FSTL1: variants seen among roughly 807,000 people sequenced by gnomAD.
The protein encoded by FSTL1 is follistatin like 1, also known as follistatin-related protein 1.
In FSTL1, 24 loss-of-function variants were observed where a neutral mutation model predicts 45.9. The ratio of observed to expected loss-of-function variants is 0.52; its 90% confidence interval spans 0.38 to 0.74. The LOEUF (loss-of-function observed/expected upper bound fraction) is 0.74, where lower values mean the gene tolerates loss of function less well. Among genes scored for constraint, FSTL1 ranks in the 30% least tolerant of loss-of-function variants. The pLI is 0.00. For missense variants in FSTL1, 340 were observed against 381.8 expected (o/e 0.89, Z 0.91); for synonymous variants, 120 against 137.6 (o/e 0.87, Z 0.89).
At chr3:120,412,091 C>G (rs1204906674) in intron 3 of FSTL1, 108 bp from the exon 4 acceptor site, 5 of 1,034,462 alleles carry the variant, frequency 4.8e-6, no homozygotes, top group Non-Finnish European at 7.2e-6. Flanking sequence ...TGTAAGGGGA[C>G]TCTCCACCAC....
At position 120,396,409 on chromosome 3, in the gene FSTL1, A is replaced by G. The variant is rs1314102747; in HGVS notation, c.*543T>C. 1.3e-5 allele frequency: 2 copies of G among 153,492 alleles called. No homozygotes were observed. Among genetic ancestry groups the G allele is most frequent in the African/African-American group, 4.8e-5 (2 of 41,424 alleles). 9.5% of individuals were successfully genotyped at this position (153,492 alleles called of 1,614,324 possible). On this transcript the variant is annotated 3_prime_UTR_variant, in exon 11 of 11. Coordinates refer to ENST00000295633, the MANE Select transcript of FSTL1 (RefSeq NM_007085.5). Reference sequence around the variant, plus strand: ...GTGTACCCTCCCAGAAACTCCATCCAAGTCTGAGGGACACTGGGTTAACTA... The same window carrying G: ...GTGTACCCTCCCAGAAACTCCATCCGAGTCTGAGGGACACTGGGTTAACTA...
intron 4 of FSTL1, among the ~76,000 whole-genome samples, chr3:120,411,495 T>C (rs1402586300): frequency 6.6e-6 from 1 of 152,234 alleles, no homozygotes; most frequent in Admixed American, 6.5e-5. Context: ...TTAAAAAGCA[T>C]GGGAAAAGTG....
intron 4 of FSTL1, 72 bp from the exon 5 acceptor site, chr3:120,411,056 T>G (rs1466845593): frequency 9.8e-7 from 1 of 1,015,476 alleles, no homozygotes; most frequent in African/African-American, 1.6e-5. Context: ...ATTTCTAGGA[T>G]TACAGCTGCT....
intron 10 of FSTL1, among the ~76,000 whole-genome samples, chr3:120,399,011 T>C (rs188576956): frequency 1.9e-4 from 29 of 152,326 alleles, no homozygotes; most frequent in East Asian, 7.7e-4. Flanking sequence ...GATCAATAAA[T>C]GGGCAATTAC....
At chr3:120,405,105 C>T (rs911736058) in intron 6 of FSTL1, 134 bp from the exon 7 acceptor site, 1 of 642,304 alleles carries the variant, frequency 1.6e-6, no homozygotes, top group Non-Finnish European at 2.9e-6. Context: ...CTCAGAGGGC[C>T]TTGGCAACAA....
At chr3:120,399,835 C>G (rs759833891) in intron 10 of FSTL1, 48 bp downstream of exon 10, 8 of 1,269,138 alleles carry the variant, frequency 6.3e-6, no homozygotes, top group Non-Finnish European at 7.9e-6. Flanking sequence ...TGGTATAGGG[C>G]CTGATGGCAA....
chr3:120,408,915 C>T (rs1936997818), intron 6 of FSTL1, among the ~76,000 whole-genome samples: 1 of 152,110 alleles, frequency 6.6e-6, no homozygotes, highest in Admixed American at 6.6e-5. Flanking sequence ...CATGATAACC[C>T]GAGCCATCAC....
intron 3 of FSTL1, 59 bp from the exon 4 acceptor site, chr3:120,412,042 C>G: frequency 1.4e-6 from 1 of 710,238 alleles, no homozygotes; most frequent in Non-Finnish European, 2.2e-6. Context: ...CACAGACACA[C>G]ACACACACAT....
chr3:120,409,102 C>T (rs1289981423), intron 6 of FSTL1, among the ~76,000 whole-genome samples: 1 of 152,192 alleles, frequency 6.6e-6, no homozygotes, highest in Non-Finnish European at 1.5e-5. Context: ...AAGACTCTCT[C>T]CAAGCCATTG....
rs1936618783 is a variant in FSTL1 at position 120,392,821 on chromosome 3, T to G, written c.*4131A>C. On this transcript the variant is annotated 3_prime_UTR_variant, in exon 11 of 11. Coordinates refer to ENST00000295633, the MANE Select transcript of FSTL1 (RefSeq NM_007085.5). Reference sequence around the variant, plus strand: ...TATCTATGCATTCATATTTTTTCCCTTCCTTCCTTCCCCTTATTTCAGAAA... The same window carrying G: ...TATCTATGCATTCATATTTTTTCCCGTCCTTCCTTCCCCTTATTTCAGAAA... 6.6e-6 allele frequency: 1 copy of G among 152,158 alleles called. No homozygotes were observed. The highest frequency in any genetic ancestry group is 2.4e-5 in the African/African-American group (1 of 41,436). The allele number at this position is 152,158 out of a possible 1,614,324, so 9.4% of individuals were successfully genotyped here. A position where few individuals can be genotyped will look rare whatever the true frequency, so the allele number is the denominator to read the frequency against.
rs1936655435 is a variant in FSTL1 at position 120,394,424 on chromosome 3, C to A, written c.*2528G>T. 1 of 152,170 alleles carries A rather than the reference C, an allele frequency of 6.6e-6. No homozygotes were observed. Among genetic ancestry groups the A allele is most frequent in the Admixed American group, 6.5e-5 (1 of 15,282 alleles). 9.4% of individuals were successfully genotyped at this position (152,170 alleles called of 1,614,324 possible). Reference sequence around the variant, plus strand: ...CAACAGAAACTTGTTTAGATTGTTTCTTGAAGTTTGACTACTTAAAAACAT... The same window carrying A: ...CAACAGAAACTTGTTTAGATTGTTTATTGAAGTTTGACTACTTAAAAACAT... On this transcript the variant is annotated 3_prime_UTR_variant, in exon 11 of 11. Coordinates refer to ENST00000295633, the MANE Select transcript of FSTL1 (RefSeq NM_007085.5).
At chr3:120,407,268 T>G (rs1419589993) in intron 6 of FSTL1, among the ~76,000 whole-genome samples, 1 of 152,198 alleles carries the variant, frequency 6.6e-6, no homozygotes, top group Non-Finnish European at 1.5e-5. Context: ...GGCACTTGCT[T>G]GTGCACAGCA....
chr3:120,402,858 C>T lies in FSTL1; in HGVS notation c.755G>A (p.Arg252His), dbSNP rs750011089. Residue 252 changes from arginine (R) to histidine (H), a missense_variant, in exon 9 of 11, where the codon CGC (arginine) becomes CAC (histidine). Arg to His is a conservative substitution (Grantham distance 29, BLOSUM62 0). Coordinates refer to ENST00000295633, the MANE Select transcript of FSTL1 (RefSeq NM_007085.5). ...DGAETEVDCN[R>H]CVCACGNWVC... ...CCAATTTCCACAGGCACAGACACAGCGGTTACAGTCCACCTCGGTCTCAGC... is the reference window on the plus strand; with the variant it reads ...CCAATTTCCACAGGCACAGACACAGTGGTTACAGTCCACCTCGGTCTCAGC... The T allele has an allele frequency of 3.7e-6, 6 of 1,613,178 alleles. No individual in the cohort carries two copies. The highest frequency in any genetic ancestry group is 1.1e-5 in the South Asian group (1 of 91,048).
intron 6 of FSTL1, among the ~76,000 whole-genome samples, chr3:120,409,009 A>C (rs1936999652): frequency 6.6e-6 from 1 of 152,222 alleles, no homozygotes; most frequent in Non-Finnish European, 1.5e-5. Flanking sequence ...TCTTCAACTA[A>C]TTATGATTGG....
chr3:120,439,135 C>T lies in FSTL1; in HGVS notation c.63+11549G>A, dbSNP rs138381271. ...AGCGGAGAGGCGTGCAGGGAGGAGG[C>T]GAGAGCAAGGCCGGAAAGCCTGCTC... On this transcript the variant is annotated intron_variant, in intron 2 of 10. Coordinates refer to ENST00000295633, the MANE Select transcript of FSTL1 (RefSeq NM_007085.5). Among the ~76,000 whole-genome samples the T allele has an allele frequency of 6.7e-3, 1,019 of 152,214 alleles. 17 individuals are homozygous for T. The highest frequency in any genetic ancestry group is 0.024 in the African/African-American group (979 of 41,548).
intron 2 of FSTL1, among the ~76,000 whole-genome samples, chr3:120,422,687 G>A (rs550248026): frequency 6.6e-6 from 1 of 151,804 alleles, no homozygotes; most frequent in South Asian, 2.1e-4. Flanking sequence ...TTATGAAGCT[G>A]TCAATCAATA....
intron 2 of FSTL1, among the ~76,000 whole-genome samples, chr3:120,444,499 C>T (rs1406610688): frequency 6.7e-6 from 1 of 149,600 alleles, no homozygotes; most frequent in Non-Finnish European, 1.5e-5. Flanking sequence ...AGGCCATTTA[C>T]CACCCCACCT....
intron 7 of FSTL1, among the ~76,000 whole-genome samples, chr3:120,403,918 C>T (rs1272254): frequency 2.5e-4 from 5 of 20,258 alleles, no homozygotes; most frequent in Non-Finnish European, 4.0e-4. Flanking sequence ...GAGACTCCGT[C>T]TCAAAAAAAA....
chr3:120,404,703 CATAGA>C (rs1191458068), intron 7 of FSTL1, 145 bp downstream of exon 7: 28 of 639,752 alleles, frequency 4.4e-5, no homozygotes, highest in Non-Finnish European at 8.6e-6. Flanking sequence ...TTCATACTTT[CATAGA>C]ATAGAACAGG....
Sources: gnomAD v4.1 joint callset for allele counts (sites outside exome capture counted in the v4.1 genomes callset) on GRCh38, gnomAD v4.1.1 for gene constraint, MANE v1.5 for transcripts, NCBI Gene and HGNC (gene_info 2026-07-23, HGNC 2026-07-21) for gene names.